The following KCNIP4 variants were observed in gnomAD, a reference collection of about 807,000 sequenced individuals.
The protein encoded by KCNIP4 is potassium voltage-gated channel interacting protein 4, also known as Kv channel-interacting protein 4.
In KCNIP4, 12 loss-of-function variants were observed where a neutral mutation model predicts 34.0. That is an observed-to-expected ratio of 0.35 (90% CI 0.23 to 0.57). KCNIP4 has a LOEUF of 0.57. Ranked by LOEUF, KCNIP4 falls within the 20% of genes least tolerant of loss-of-function variation. The probability of loss-of-function intolerance (pLI) is 0.83; values close to 1 mark genes in which losing one functional copy is unlikely to be tolerated. For synonymous variants in KCNIP4, 124 were observed against 102.2 expected, an observed-to-expected ratio of 1.21 and a Z score of -1.29; for missense variants, 238 against 311.7, an observed-to-expected ratio of 0.76 and a Z score of 1.78.
intron 1 of KCNIP4, among the ~76,000 whole-genome samples, chr4:21,242,163 C>CAAGAA (rs1759867663): frequency 1.8e-5 from 1 of 55,778 alleles, no homozygotes; most frequent in Admixed American, 2.3e-4. Flanking sequence ...AATTCTGTCT[C>CAAGAA]AAAAAAAAAA....
intron 1 of KCNIP4, among the ~76,000 whole-genome samples, chr4:21,199,624 T>G (rs1322791133): frequency 6.6e-6 from 1 of 151,944 alleles, no homozygotes; most frequent in Non-Finnish European, 1.5e-5. Context: ...TTTGGTGTTT[T>G]AGTCATGAAG....
rs529047226 is a variant in KCNIP4, at chr4:20,771,836, A to AT, written c.289-12947dup. 3.9e-5 allele frequency among the ~76,000 whole-genome samples: 6 copies of AT among 152,024 alleles called. No homozygotes were observed. The South Asian group carries it at 8.3e-4, about 21-fold the overall frequency. Reference sequence around the variant, plus strand: ...AGGCACCCGCCACCAAGCTCAGCTAATTTTTTTGTATTTTTAGTAGAGACG... The same window carrying AT: ...AGGCACCCGCCACCAAGCTCAGCTAATTTTTTTTGTATTTTTAGTAGAGACG... On this transcript the variant is annotated intron_variant, in intron 3 of 8. Transcript: ENST00000382152.
chr4:21,526,668 G>A (rs1409501705), intron 1 of KCNIP4, among the ~76,000 whole-genome samples: 3 of 152,006 alleles, frequency 2.0e-5, no homozygotes, highest in Non-Finnish European at 4.4e-5. Context: ...ACACAAGTGT[G>A]AAAAAGAATT....
chr4:21,374,992 A>T (rs1006015451), intron 1 of KCNIP4, among the ~76,000 whole-genome samples: 1 of 147,630 alleles, frequency 6.8e-6, no homozygotes, highest in Non-Finnish European at 1.5e-5. Flanking sequence ...AACCTTAAAC[A>T]TCAGGAACAC....
chr4:21,837,665 T>G (rs1185867114), intron 1 of KCNIP4, among the ~76,000 whole-genome samples: 1 of 150,896 alleles, frequency 6.6e-6, no homozygotes. Flanking sequence ...CTCCCATACC[T>G]CTCAGAGATA....
chr4:20,867,613 G>A, intron 2 of KCNIP4, among the ~76,000 whole-genome samples: 1 of 152,018 alleles, frequency 6.6e-6, no homozygotes, highest in East Asian at 1.9e-4. Flanking sequence ...CATCAACTGT[G>A]GCAAATAATT....
intron 1 of KCNIP4, among the ~76,000 whole-genome samples, chr4:21,744,261 A>G (rs1281007376): frequency 2.0e-5 from 3 of 152,158 alleles, no homozygotes; most frequent in Non-Finnish European, 2.9e-5. Flanking sequence ...ATATTTGCAC[A>G]ACTTCCAAAA....
intron 3 of KCNIP4, among the ~76,000 whole-genome samples, chr4:20,805,303 T>C (rs1714940959): frequency 6.7e-6 from 1 of 149,312 alleles, no homozygotes; most frequent in Admixed American, 6.7e-5. Context: ...CCCAAAGTGC[T>C]AGTATTACAG....
At chr4:20,794,290 T>A (rs998826257) in intron 3 of KCNIP4, among the ~76,000 whole-genome samples, 1 of 151,950 alleles carries the variant, frequency 6.6e-6, no homozygotes, top group African/African-American at 2.4e-5. Context: ...TTGATAGGAG[T>A]CGGAGCTCAG....
chr4:21,929,896 C>T (rs1323832834), intron 1 of KCNIP4, among the ~76,000 whole-genome samples: 1 of 152,126 alleles, frequency 6.6e-6, no homozygotes, highest in East Asian at 1.9e-4. Flanking sequence ...CTACTCTTGG[C>T]TGTCATTCCT....
At chr4:21,556,376 A>G (rs1577589156) in intron 1 of KCNIP4, among the ~76,000 whole-genome samples, 1 of 152,150 alleles carries the variant, frequency 6.6e-6, no homozygotes, top group Non-Finnish European at 1.5e-5. Flanking sequence ...GACTTGCCCC[A>G]TTCCCACAGT....
intron 1 of KCNIP4, among the ~76,000 whole-genome samples, chr4:21,306,531 C>T (rs748422707): frequency 1.2e-4 from 18 of 152,242 alleles, no homozygotes; most frequent in Non-Finnish European, 2.4e-4. Context: ...CATGGGCTAC[C>T]GCAACTGGCT....
chr4:21,721,808 C>T (rs1013595349), intron 1 of KCNIP4, among the ~76,000 whole-genome samples: 1 of 152,136 alleles, frequency 6.6e-6, no homozygotes, highest in Admixed American at 6.6e-5. Context: ...ACATGGCTAA[C>T]ACAATTATGC....
At chr4:20,845,507 G>T (rs1720258208) in intron 3 of KCNIP4, among the ~76,000 whole-genome samples, 1 of 152,126 alleles carries the variant, frequency 6.6e-6, no homozygotes, top group African/African-American at 2.4e-5. Context: ...ACCCTCTGCT[G>T]ACTCCCTTTT....
At chr4:21,231,484 T>C (rs1758783061) in intron 1 of KCNIP4, among the ~76,000 whole-genome samples, 3 of 152,124 alleles carry the variant, frequency 2.0e-5, no homozygotes, top group Non-Finnish European at 4.4e-5. Context: ...ATATCCAAGT[T>C]TGTGAATATG....
chr4:21,322,598 G>C (rs529011165), intron 1 of KCNIP4, among the ~76,000 whole-genome samples: 1 of 151,908 alleles, frequency 6.6e-6, no homozygotes, highest in South Asian at 2.1e-4. Context: ...AGCTGGCACC[G>C]GCCTTCTAAA....
chr4:21,880,407 C>A (rs1726396085), intron 1 of KCNIP4, among the ~76,000 whole-genome samples: 1 of 152,066 alleles, frequency 6.6e-6, no homozygotes, highest in African/African-American at 2.4e-5. Context: ...TTCTTACCAT[C>A]AATATAAGAA....
chr4:21,585,564 T>A (rs1560537131), intron 1 of KCNIP4, among the ~76,000 whole-genome samples: 1 of 152,104 alleles, frequency 6.6e-6, no homozygotes, highest in Non-Finnish European at 1.5e-5. Context: ...TGAAGCATCC[T>A]CTCTGCTCTT....
chr4:20,983,789 GCA>G (rs1160209668), intron 1 of KCNIP4: 9 of 1,529,642 alleles, frequency 5.9e-6, no homozygotes, highest in South Asian at 1.2e-5. Context: ...CTGCCCAACA[GCA>G]CAGACTGGAG....
Sources: gnomAD v4.1 joint callset for allele counts (sites outside exome capture counted in the v4.1 genomes callset) on GRCh38, gnomAD v4.1.1 for gene constraint, MANE v1.5 for transcripts, NCBI Gene and HGNC (gene_info 2026-07-23, HGNC 2026-07-21) for gene names.